The following DVL3 variants were observed in gnomAD, a reference collection of about 807,000 sequenced individuals.
DVL3 encodes the protein segment polarity protein dishevelled homolog DVL-3.
DVL3 carries 27 observed loss-of-function variants against 67.4 expected under a neutral mutation model. That is an observed-to-expected ratio of 0.40 (90% CI 0.30 to 0.55). DVL3 has a LOEUF of 0.55. Among genes scored for constraint, DVL3 ranks in the 20% least tolerant of loss-of-function variants. The pLI, the probability that DVL3 is intolerant of heterozygous loss-of-function variation, is 0.46. For synonymous variants in DVL3, 369 were observed against 396.8 expected, an observed-to-expected ratio of 0.93 and a Z score of 0.83; for missense variants, 819 against 1,021.5, an observed-to-expected ratio of 0.80 and a Z score of 2.70.
At position 184,165,201 on chromosome 3, in the gene DVL3, G is replaced by T; in HGVS notation, c.688G>T (p.Glu230Ter). 1 of 1,595,334 alleles carries T rather than the reference G, an allele frequency of 6.3e-7. No individual in the cohort carries two copies. Reference sequence around the variant, plus strand: ...GCGGAAGCAGAAGGTTTCTCGGATTGAGCGGGTATGGGGTCTGGGAGGCTA... The same window carrying T: ...GCGGAAGCAGAAGGTTTCTCGGATTTAGCGGGTATGGGGTCTGGGAGGCTA... ...RRRKQKVSRI[E>*]RSSSFSSITD... Residue 230 changes from glutamate (E) to a stop codon, truncating the protein, a stop_gained, in exon 6 of 15, where the codon GAG becomes TAG. Transcript: ENST00000313143. LOFTEE classifies it high-confidence loss of function. The surrounding 1 kb of genome is among the most constrained non-coding windows in gnomAD (Gnocchi z 4.1).
In DVL3 at chr3:184,172,626, C is replaced by G. The variant is rs1577054497; in HGVS notation, c.*1871C>G. ...GCACCTGCCTGTAATCTCAGCTACT[C>G]AGGAGGCTGAGGCACAAGAATCGCT... On this transcript the variant is annotated 3_prime_UTR_variant, in exon 15 of 15. Transcript: ENST00000313143. The G allele has an allele frequency of 2.0e-5, 3 of 152,208 alleles. No homozygotes were observed. Among genetic ancestry groups the G allele is most frequent in the Admixed American group, 6.5e-5 (1 of 15,288 alleles). The allele number at this position is 152,208 out of a possible 1,614,324, so 9.4% of individuals were successfully genotyped here.
chr3:184,158,314 T>C (rs1714264078), intron 1 of DVL3, among the ~76,000 whole-genome samples: 1 of 141,958 alleles, frequency 7.0e-6, no homozygotes, highest in Non-Finnish European at 1.5e-5. Flanking sequence ...GCCTGGAAAA[T>C]AGAGTGGGAC....
Position 184,155,888 on chromosome 3 carries a change from G to A in DVL3, c.161+92G>A. 1 of 1,450,104 alleles carries A rather than the reference G, an allele frequency of 6.9e-7. No homozygotes were observed. The highest frequency in any genetic ancestry group is 9.3e-7 in the Non-Finnish European group (1 of 1,076,706). 89.8% of individuals were successfully genotyped at this position (1,450,104 alleles called of 1,614,324 possible). On this transcript the variant is annotated intron_variant, in intron 1 of 14. Transcript: ENST00000313143. This position sits in a 1 kb window ranked among gnomAD's most constrained non-coding sequence, Gnocchi z 5.4. ...CCGTTTCGACTTGCCTCGCTACACCGGCTCCTAGCCCCGCTCTGACTTCTA... is the reference window on the plus strand; with the variant it reads ...CCGTTTCGACTTGCCTCGCTACACCAGCTCCTAGCCCCGCTCTGACTTCTA...
intron 13 of DVL3, among the ~76,000 whole-genome samples, chr3:184,168,433 G>A (rs1415326106): frequency 1.3e-5 from 2 of 152,216 alleles, no homozygotes; most frequent in African/African-American, 4.8e-5. Flanking sequence ...GGCTTAAAGG[G>A]AAGAACTGGA....
At position 184,166,010 on chromosome 3, in the gene DVL3, C is replaced by A; in HGVS notation, c.764-116C>A. On this transcript the variant is annotated intron_variant, in intron 7 of 14. Coordinates refer to ENST00000313143, the MANE Select transcript of DVL3 (RefSeq NM_004423.4). The surrounding 1 kb of genome is among the most constrained non-coding windows in gnomAD (Gnocchi z 6.7). ...ATGTTTGAGCATGCTGAGTGCAGTG[C>A]CTGATTCAGGATCAGCAAATGTCAG... is the stretch of plus-strand genomic sequence containing the variant. 7.8e-7 allele frequency: 1 copy of A among 1,288,134 alleles called. No homozygotes were observed. Among genetic ancestry groups the A allele is most frequent in the Non-Finnish European group, 1.1e-6 (1 of 924,038 alleles). 79.8% of individuals were successfully genotyped at this position (1,288,134 alleles called of 1,614,324 possible).
At position 184,172,309 on chromosome 3, in the gene DVL3, G is replaced by A. The variant is rs73185726; in HGVS notation, c.*1554G>A. On this transcript the variant is annotated 3_prime_UTR_variant, in exon 15 of 15. Coordinates refer to ENST00000313143, the MANE Select transcript of DVL3 (RefSeq NM_004423.4). The stretch of plus-strand genomic sequence containing the variant: ...ATCATAACTTTCTCTTTAAGCCTCT[G>A]CTATAAATTCTCCTGGCTCTCCTGG... 0.11 allele frequency: 17,199 copies of A among 152,256 alleles called. 1,211 individuals carry two copies. The highest frequency in any genetic ancestry group is 0.16 in the South Asian group (789 of 4,826). 9.4% of individuals were successfully genotyped at this position (152,256 alleles called of 1,614,324 possible).
chr3:184,167,611 T>G lies in DVL3; in HGVS notation c.1230T>G (p.Ser410Arg). The change falls in exon 12 of 15, where the codon AGT (serine) becomes AGG (arginine). Residue 410 changes from serine to arginine, a missense_variant. Ser to Arg is a moderately radical substitution (Grantham distance 110). Coordinates refer to ENST00000313143, the MANE Select transcript of DVL3 (RefSeq NM_004423.4). The surrounding 1 kb of genome is among the most constrained non-coding windows in gnomAD (Gnocchi z 4.6). Reference sequence around the variant, plus strand: ...ACGACTTCCACTTGTCCATCCACAGTGACATGGCTGCCATCGTAAAAGCCA... The same window carrying G: ...ACGACTTCCACTTGTCCATCCACAGGGACATGGCTGCCATCGTAAAAGCCA... The part of the protein sequence containing the change: ...RLDDFHLSIH[S>R]DMAAIVKAMA... The G allele has an allele frequency of 6.2e-7, 1 of 1,614,114 alleles. No homozygotes were observed. The highest frequency in any genetic ancestry group is 8.5e-7 in the Non-Finnish European group (1 of 1,180,022).
In DVL3 at chr3:184,171,032, T is replaced by A. The variant is rs1001342675; in HGVS notation, c.*277T>A. The A allele has an allele frequency of 4.0e-5, 55 of 1,382,678 alleles. No homozygotes were observed. Among genetic ancestry groups the A allele is most frequent in the Non-Finnish European group, 4.9e-5 (52 of 1,057,792 alleles). The allele number at this position is 1,382,678 out of a possible 1,614,324, so 85.7% of individuals were successfully genotyped here. Reference sequence around the variant, plus strand: ...ACCCCTTTTGTCTCTGGGACCAGACTTGTTGGTGCTACCCCTTACTCCCCT... The same window carrying A: ...ACCCCTTTTGTCTCTGGGACCAGACATGTTGGTGCTACCCCTTACTCCCCT... On this transcript the variant is annotated 3_prime_UTR_variant, in exon 15 of 15. Transcript: ENST00000313143.
In DVL3 at chr3:184,164,278, T is replaced by C. The variant is rs1444142700; in HGVS notation, c.243T>C (p.Ala81=). 6.2e-7 allele frequency: 1 copy of C among 1,614,054 alleles called. No homozygotes were observed. Among genetic ancestry groups the C allele is most frequent in the Admixed American group, 1.7e-5 (1 of 59,988 alleles). The change falls in exon 3 of 15, where the codon GCT becomes GCC. Residue 81 remains alanine, a synonymous_variant. Coordinates refer to ENST00000313143, the MANE Select transcript of DVL3 (RefSeq NM_004423.4). This position sits in a 1 kb window ranked among gnomAD's most constrained non-coding sequence, Gnocchi z 5.3. ...NGRVVSWLVS[A]EGSHPDPAPF... ...TTTCTCCCTTTCAGCTGGTGTCAGC[T>C]GAGGGCTCACACCCAGACCCAGCCC...
Position 184,165,458 on chromosome 3 carries a change from T to C in DVL3, c.730T>C (p.Ser244Pro). 1.9e-6 allele frequency: 3 copies of C among 1,614,064 alleles called. No homozygotes were observed. The highest frequency in any genetic ancestry group is 2.5e-6 in the Non-Finnish European group (3 of 1,180,000). ...SFSSITDSTMSLNIITVTLNM... is the reference protein window; with the variant it reads ...SFSSITDSTMPLNIITVTLNM... ...CAGCAGCATCACGGACTCCACCATG[T>C]CACTCAACATCATCACGGTCACTCT... The change falls in exon 7 of 15, where the codon TCA (serine) becomes CCA (proline). Residue 244 changes from serine to proline, a missense_variant. Physicochemically the swap from Ser to Pro is moderately conservative, Grantham distance 74. Transcript: ENST00000313143. The surrounding 1 kb of genome is among the most constrained non-coding windows in gnomAD (Gnocchi z 4.1).
In DVL3 at chr3:184,170,804, G is replaced by C; in HGVS notation, c.*49G>C. On this transcript the variant is annotated 3_prime_UTR_variant, in exon 15 of 15. Coordinates refer to ENST00000313143, the MANE Select transcript of DVL3 (RefSeq NM_004423.4). This position sits in a 1 kb window ranked among gnomAD's most constrained non-coding sequence, Gnocchi z 6.5. ...TTCCGCTCCCACCCCAGCCGGCTGC[G>C]TTCCTCTCTCCATCCGTCCGTCTTT... 1.2e-6 allele frequency: 2 copies of C among 1,604,782 alleles called. No homozygotes were observed. The highest frequency in any genetic ancestry group is 1.1e-5 in the South Asian group (1 of 90,126).
intron 1 of DVL3, among the ~76,000 whole-genome samples, chr3:184,158,031 C>T (rs1714256127): frequency 6.6e-6 from 1 of 152,194 alleles, no homozygotes; most frequent in East Asian, 1.9e-4. Context: ...GTAATAGTAT[C>T]TCTAGTTTAC....
At position 184,167,520 on chromosome 3, in the gene DVL3, C is replaced by A; in HGVS notation, c.1199-60C>A. On this transcript the variant is annotated intron_variant, in intron 11 of 14. Transcript: ENST00000313143. This position sits in a 1 kb window ranked among gnomAD's most constrained non-coding sequence, Gnocchi z 4.6. ...CTAGATGGTAGAGCTAGAATGCAAACTCTTGTTTACCTAACTCCAAAGCCC... is the reference window on the plus strand; with the variant it reads ...CTAGATGGTAGAGCTAGAATGCAAAATCTTGTTTACCTAACTCCAAAGCCC... The A allele has an allele frequency of 6.5e-7, 1 of 1,538,866 alleles. No homozygotes were observed. Among genetic ancestry groups the A allele is most frequent in the Non-Finnish European group, 8.9e-7 (1 of 1,123,726 alleles).
rs1714555071 is a variant in DVL3, at chr3:184,165,570, A to G, written c.763+79A>G. 1.6e-6 allele frequency: 2 copies of G among 1,282,388 alleles called. No individual in the cohort carries two copies. Among genetic ancestry groups the G allele is most frequent in the Non-Finnish European group, 2.3e-6 (2 of 883,054 alleles). 79.4% of individuals were successfully genotyped at this position (1,282,388 alleles called of 1,614,324 possible). A position where few individuals can be genotyped will look rare whatever the true frequency, so the allele number is the denominator to read the frequency against. ...CAGACTTGAGTTCAGAGAGCGTAGA[A>G]TATGTTCCCTGCCCTCAAGGAGCTC... On this transcript the variant is annotated intron_variant, in intron 7 of 14. Transcript: ENST00000313143. This position sits in a 1 kb window ranked among gnomAD's most constrained non-coding sequence, Gnocchi z 4.1.
Position 184,170,919 on chromosome 3 carries a change from C to G in DVL3, c.*164C>G, listed in dbSNP as rs113162122. 4.5e-5 allele frequency: 70 copies of G among 1,542,266 alleles called. 4 individuals are homozygous for G. Among genetic ancestry groups the G allele is most frequent in the African/African-American group, 4.2e-4 (31 of 73,058 alleles). On this transcript the variant is annotated 3_prime_UTR_variant, in exon 15 of 15. Coordinates refer to ENST00000313143, the MANE Select transcript of DVL3 (RefSeq NM_004423.4). The surrounding 1 kb of genome is among the most constrained non-coding windows in gnomAD (Gnocchi z 6.5). ...CAGGGTGCTGCGAGGGTGGGGTGCA[C>G]CTACCGATTGGCTCTGCAGCCCCCT...
intron 1 of DVL3, among the ~76,000 whole-genome samples, chr3:184,160,239 C>T (rs1714335398): frequency 6.6e-6 from 1 of 152,076 alleles, no homozygotes; most frequent in South Asian, 2.1e-4. Context: ...GCCTGAGCCA[C>T]CGTGCCCTGC....
chr3:184,160,536 G>GTA (rs990732180), intron 1 of DVL3, among the ~76,000 whole-genome samples: 62 of 43,064 alleles, frequency 1.4e-3, no homozygotes, highest in African/African-American at 4.5e-3. Flanking sequence ...TGGGGTATGA[G>GTA]TGTGTGTGTG....
At chr3:184,157,866 T>C (rs1714250766) in intron 1 of DVL3, among the ~76,000 whole-genome samples, 2 of 152,238 alleles carry the variant, frequency 1.3e-5, no homozygotes, top group Non-Finnish European at 2.9e-5. Flanking sequence ...CTGATAGAGC[T>C]GTCTTGTCAC....
In DVL3 at chr3:184,166,544, G is replaced by A. The variant is rs1714596235; in HGVS notation, c.980+22G>A. On this transcript the variant is annotated intron_variant, in intron 9 of 14. Transcript: ENST00000313143. This position sits in a 1 kb window ranked among gnomAD's most constrained non-coding sequence, Gnocchi z 6.7. ...CGGGGTATGGATGGAATGGGGCACT[G>A]GGCAAGGGGCTTGGTCTGGCCTATA... 1 of 1,614,066 alleles carries A rather than the reference G, an allele frequency of 6.2e-7. No homozygotes were observed. Among genetic ancestry groups the A allele is most frequent in the South Asian group, 1.1e-5 (1 of 91,080 alleles).
Sources: gnomAD v4.1 joint callset for allele counts (sites outside exome capture counted in the v4.1 genomes callset) on GRCh38, gnomAD v4.1.1 for gene constraint, Gnocchi (gnomAD v3.1) non-coding constraint, MANE v1.5 for transcripts, NCBI Gene and HGNC (gene_info 2026-07-23, HGNC 2026-07-21) for gene names.